The following MAP4K3 variants were observed in gnomAD, a reference collection of about 807,000 sequenced individuals.
The protein encoded by MAP4K3 is MAPK/ERK kinase kinase kinase 3.
MAP4K3 carries 94 observed loss-of-function variants against 143.5 expected under a neutral mutation model. The observed-to-expected ratio is 0.65, with a 90% CI of 0.55 to 0.78. The LOEUF (loss-of-function observed/expected upper bound fraction) is 0.78, where lower values mean the gene tolerates loss of function less well. Ranked by LOEUF, MAP4K3 falls within the 30% of genes least tolerant of loss-of-function variation. MAP4K3 has a pLI of 0.00. For missense variants in MAP4K3, 1,077 were observed against 1,068.1 expected (o/e 1.01, Z -0.12); for synonymous variants, 416 against 347.2 (o/e 1.20, Z -2.20).
In MAP4K3 at chr2:39,266,665, CAT is replaced by C. The variant is rs1277380605; in HGVS notation, c.2032+522_2032+523del. On this transcript the variant is annotated intron_variant, in intron 27 of 33. Coordinates refer to ENST00000263881, the MANE Select transcript of MAP4K3 (RefSeq NM_003618.4). ...ACACTATACTTGTGGTATAATGACT[CAT>C]GTGTTTATCGTCCCTTTTATAATAA... Among the ~76,000 whole-genome samples, 8 of 152,046 alleles carry C rather than the reference CAT, an allele frequency of 5.3e-5. 1 individual carries two copies. The highest frequency in any genetic ancestry group is 1.0e-4 in the Non-Finnish European group (7 of 68,014).
rs1045537026 is a variant in MAP4K3 at position 39,267,107 on chromosome 2, G to A, written c.2032+82C>T. 6 of 1,291,276 alleles carry A rather than the reference G, an allele frequency of 4.6e-6. No individual in the cohort carries two copies. In the Admixed American group the frequency reaches 5.3e-5, roughly 11 times the overall value. 80.0% of individuals were successfully genotyped at this position (1,291,276 alleles called of 1,614,324 possible). ...CAGGAAAAATAAAGTATTGCTGGCA[G>A]AATGCCCTGGGGTAGTACTGTTTTA... On this transcript the variant is annotated intron_variant, in intron 27 of 33. Transcript: ENST00000263881.
intron 1 of MAP4K3, among the ~76,000 whole-genome samples, chr2:39,402,793 C>T (rs1205113914): frequency 6.9e-6 from 1 of 145,800 alleles, no homozygotes; most frequent in African/African-American, 2.5e-5. Context: ...GAAAAAAAGA[C>T]AGGCCAAAAA....
intron 22 of MAP4K3, among the ~76,000 whole-genome samples, chr2:39,281,116 C>G (rs759197506): frequency 2.4e-4 from 36 of 152,058 alleles, no homozygotes; most frequent in Non-Finnish European, 4.0e-4. Context: ...TTACTACTGA[C>G]AACTTGAGGG....
chr2:39,376,127 A>G (rs1341097318), intron 2 of MAP4K3, among the ~76,000 whole-genome samples: 1 of 152,238 alleles, frequency 6.6e-6, no homozygotes, highest in Admixed American at 6.5e-5. Context: ...AGGAAGTGAC[A>G]AACTGTTTTC....
At chr2:39,329,069 T>C (rs1683600311) in intron 8 of MAP4K3, among the ~76,000 whole-genome samples, 1 of 152,216 alleles carries the variant, frequency 6.6e-6, no homozygotes, top group Non-Finnish European at 1.5e-5. Flanking sequence ...AAATTAACTT[T>C]ACCTAATTCA....
chr2:39,436,737 C>T (rs970621252), intron 1 of MAP4K3, 155 bp downstream of exon 1: 1 of 635,154 alleles, frequency 1.6e-6, no homozygotes, highest in Admixed American at 2.7e-5. Context: ...CTTTGTTCAC[C>T]AAGGCAGCAG....
intron 1 of MAP4K3, among the ~76,000 whole-genome samples, chr2:39,416,002 T>TATATATATATATATATATATATAA (rs1553318623): frequency 7.7e-5 from 7 of 91,136 alleles, no homozygotes; most frequent in African/African-American, 3.3e-4. Context: ...TATATATATA[T>TATATATATATATATATATATATAA]ATAAAAATAA....
In MAP4K3 at chr2:39,326,108, A is replaced by C. The variant is rs773748599; in HGVS notation, c.662+38T>G. Reference sequence around the variant, plus strand: ...ATGACAGCATACTAAGAGGATAAAAACCTTAAGCGTAAGATTCTTCAATGA... The same window carrying C: ...ATGACAGCATACTAAGAGGATAAAACCCTTAAGCGTAAGATTCTTCAATGA... On this transcript the variant is annotated intron_variant, in intron 9 of 33. Coordinates refer to ENST00000263881, the MANE Select transcript of MAP4K3 (RefSeq NM_003618.4). 3.1e-6 allele frequency: 5 copies of C among 1,595,226 alleles called. No individual in the cohort carries two copies. In the African/African-American group the frequency reaches 6.8e-5, roughly 22 times the overall value.
intron 3 of MAP4K3, among the ~76,000 whole-genome samples, chr2:39,348,784 T>C (rs1665368976): frequency 6.6e-6 from 1 of 152,178 alleles, no homozygotes; most frequent in Non-Finnish European, 1.5e-5. Context: ...GTTAACTATT[T>C]TGATGTCTAC....
chr2:39,410,749 C>G (rs1355957153), intron 1 of MAP4K3, among the ~76,000 whole-genome samples: 1 of 152,112 alleles, frequency 6.6e-6, no homozygotes, highest in Non-Finnish European at 1.5e-5. Flanking sequence ...GCTTTTCTAG[C>G]TCTTCAAAAA....
At chr2:39,292,661 C>T in intron 18 of MAP4K3, 112 bp downstream of exon 18, 1 of 836,574 alleles carries the variant, frequency 1.2e-6, no homozygotes, top group South Asian at 1.4e-5. Context: ...AGATACAACC[C>T]ATGATATTGT....
At chr2:39,359,836 G>A (rs946616307) in intron 2 of MAP4K3, among the ~76,000 whole-genome samples, 1 of 152,236 alleles carries the variant, frequency 6.6e-6, no homozygotes, top group Non-Finnish European at 1.5e-5. Flanking sequence ...AGGATGCAGA[G>A]CACCAAGTCC....
intron 1 of MAP4K3, among the ~76,000 whole-genome samples, chr2:39,402,793 C>G (rs1205113914): frequency 6.9e-6 from 1 of 145,800 alleles, no homozygotes; most frequent in Admixed American, 6.9e-5. Flanking sequence ...GAAAAAAAGA[C>G]AGGCCAAAAA....
At chr2:39,421,368 A>AT (rs59291407) in intron 1 of MAP4K3, among the ~76,000 whole-genome samples, 15 of 85,336 alleles carry the variant, frequency 1.8e-4, no homozygotes, top group African/African-American at 5.3e-4. Context: ...TGACTTGGGC[A>AT]TTTTTTTTTT....
chr2:39,412,902 C>T (rs1243153027), intron 1 of MAP4K3, among the ~76,000 whole-genome samples: 1 of 152,032 alleles, frequency 6.6e-6, no homozygotes, highest in Non-Finnish European at 1.5e-5. Context: ...GGCTAAGTTC[C>T]TAACTACTTG....
chr2:39,375,149 C>G (rs977559005), intron 2 of MAP4K3, among the ~76,000 whole-genome samples: 8 of 152,118 alleles, frequency 5.3e-5, no homozygotes, highest in Non-Finnish European at 1.0e-4. Flanking sequence ...GTCCTAGCTA[C>G]TTGGGAGACT....
chr2:39,428,749 C>T (rs904999073), intron 1 of MAP4K3, among the ~76,000 whole-genome samples: 22 of 151,738 alleles, frequency 1.4e-4, no homozygotes, highest in African/African-American at 4.8e-4. Flanking sequence ...TGCCTGTTTC[C>T]CTTTCATTTT....
chr2:39,291,276 A>T (rs1682035698), intron 18 of MAP4K3, among the ~76,000 whole-genome samples: 1 of 152,192 alleles, frequency 6.6e-6, no homozygotes, highest in Non-Finnish European at 1.5e-5. Context: ...AAAAGAATTA[A>T]ATTCAATTTA....
At chr2:39,336,633 A>G (rs1664976669) in intron 6 of MAP4K3, among the ~76,000 whole-genome samples, 1 of 152,136 alleles carries the variant, frequency 6.6e-6, no homozygotes, top group South Asian at 2.1e-4. Flanking sequence ...GATGAAAGCT[A>G]TAAGCTTACT....
Sources: allele counts gnomAD v4.1 joint callset (sites outside exome capture counted in the v4.1 genomes callset), GRCh38; gene constraint gnomAD v4.1.1; transcripts MANE v1.5; gene names NCBI Gene and HGNC (gene_info 2026-07-23, HGNC 2026-07-21).